The following PHF14 variants were observed in gnomAD, a reference collection of about 807,000 sequenced individuals.
PHF14 encodes PHD finger protein 14.
In PHF14, 55 loss-of-function variants were observed where a neutral mutation model predicts 117.9. The ratio of observed to expected loss-of-function variants is 0.47; its 90% CI spans 0.38 to 0.58. The LOEUF (loss-of-function observed/expected upper bound fraction) is 0.58. Ranked by LOEUF, PHF14 falls within the 20% of genes least tolerant of loss-of-function variation. The pLI is 0.00. For missense variants in PHF14, 978 were observed against 1,122.2 expected, an observed-to-expected ratio of 0.87 and a Z score of 1.84; for synonymous variants, 409 against 368.6, an observed-to-expected ratio of 1.11 and a Z score of -1.26.
chr7:10,975,036 A>C lies in PHF14; in HGVS notation c.112+91A>C. 4.2e-6 allele frequency: 3 copies of C among 716,072 alleles called. No individual in the cohort carries two copies. In the South Asian group the frequency reaches 5.0e-5, roughly 12 times the overall value. The allele number at this position is 716,072 out of a possible 1,614,324, so 44.4% of individuals were successfully genotyped here. A position where few individuals can be genotyped will look rare whatever the true frequency, so the allele number is the denominator to read the frequency against. ...TAAATCGGTTTTGATTAAAATGCCA[A>C]TTTTAAGTGAAAGCACGTAAACTTC... is the stretch of plus-strand genomic sequence containing the variant. On this transcript the variant is annotated intron_variant, in intron 2 of 17. Coordinates refer to ENST00000634607, the MANE Select transcript of PHF14 (RefSeq NM_001007157.2).
intron 16 of PHF14, among the ~76,000 whole-genome samples, chr7:11,077,124 G>A (rs1296851721): frequency 1.3e-5 from 2 of 151,950 alleles, no homozygotes; most frequent in African/African-American, 4.8e-5. Context: ...TTGGTCGTTA[G>A]TAATGTTCAT....
At chr7:11,059,959 C>G (rs1785159502) in intron 14 of PHF14, among the ~76,000 whole-genome samples, 1 of 152,126 alleles carries the variant, frequency 6.6e-6, no homozygotes, top group South Asian at 2.1e-4. Context: ...CAGCCTAGAT[C>G]TCCTGGGCTC....
chr7:11,169,171 C>G (rs1039621959), intron 17 of PHF14, among the ~76,000 whole-genome samples: 1 of 151,966 alleles, frequency 6.6e-6, no homozygotes, highest in African/African-American at 2.4e-5. Context: ...GCAGGTGTTT[C>G]CAAAGTAATT....
At chr7:11,001,937 C>T (rs1187340148) in intron 4 of PHF14, among the ~76,000 whole-genome samples, 1 of 152,142 alleles carries the variant, frequency 6.6e-6, no homozygotes, top group Non-Finnish European at 1.5e-5. Context: ...TCTTTGTGGG[C>T]AAGCTTCTAG....
intron 14 of PHF14, among the ~76,000 whole-genome samples, chr7:11,052,040 A>T (rs1784865212): frequency 6.6e-6 from 1 of 152,086 alleles, no homozygotes; most frequent in Non-Finnish European, 1.5e-5. Flanking sequence ...ACCATTCCCA[A>T]AGCTTTAGAA....
chr7:11,122,024 C>T (rs1018648200), intron 17 of PHF14, among the ~76,000 whole-genome samples: 5 of 151,388 alleles, frequency 3.3e-5, no homozygotes, highest in African/African-American at 9.7e-5. Flanking sequence ...CCCTACCCCC[C>T]GACAGGCCTC....
At chr7:11,120,465 A>G (rs1787717288) in intron 17 of PHF14, among the ~76,000 whole-genome samples, 1 of 152,072 alleles carries the variant, frequency 6.6e-6, no homozygotes, top group Non-Finnish European at 1.5e-5. Context: ...ACACACATCA[A>G]ATGAAAATCT....
intron 14 of PHF14, chr7:11,061,216 T>C (rs1278648183): frequency 1.3e-5 from 2 of 152,228 alleles, no homozygotes; most frequent in Non-Finnish European, 2.9e-5. Flanking sequence ...AAATATAGGA[T>C]GTGAATTTTA....
At chr7:10,982,280 A>C in intron 2 of PHF14, 92 bp from the exon 3 acceptor site, 1 of 790,898 alleles carries the variant, frequency 1.3e-6, no homozygotes, top group South Asian at 2.4e-5. Context: ...GTTATTCACA[A>C]ATTTTGGTGG....
Position 10,974,062 on chromosome 7 carries a change from GCCTGGGC to G in PHF14, c.-260_-254del, listed in dbSNP as rs1781774220. On this transcript the variant is annotated 5_prime_UTR_variant, in exon 1 of 18. Coordinates refer to ENST00000634607, the MANE Select transcript of PHF14 (RefSeq NM_001007157.2). ...CCGGGGCCGCCGGGTTGACTGCGCT[GCCTGGGC>G]CGGAGGTCTTCTCCGGCCAGGGAGC... The G allele has an allele frequency of 2.2e-6, 1 of 455,758 alleles. No individual in the cohort carries two copies. 28.2% of individuals were successfully genotyped at this position (455,758 alleles called of 1,614,324 possible).
intron 16 of PHF14, chr7:11,107,811 TTTTG>T: frequency 1.3e-6 from 1 of 784,094 alleles, no homozygotes; most frequent in Non-Finnish European, 1.5e-6. Flanking sequence ...TCACTATTTA[TTTTG>T]ATAAATTTTG....
At chr7:11,127,820 G>A (rs896584849) in intron 17 of PHF14, among the ~76,000 whole-genome samples, 2 of 151,896 alleles carry the variant, frequency 1.3e-5, no homozygotes, top group African/African-American at 2.4e-5. Context: ...GACCATTTAC[G>A]AGAGATTGAG....
intron 16 of PHF14, among the ~76,000 whole-genome samples, chr7:11,074,660 A>T (rs79572418): frequency 0.017 from 2,603 of 152,274 alleles, 73 homozygotes; most frequent in African/African-American, 0.059. Flanking sequence ...ACTTCCATAG[A>T]TCCCAAGAAC....
rs185731254 is a variant in PHF14, at chr7:11,003,536, T to C, written c.1046-10211T>C. Among the ~76,000 whole-genome samples the C allele has an allele frequency of 1.5e-4, 23 of 152,324 alleles. No individual in the cohort carries two copies. The East Asian group carries it at 4.0e-3, about 27-fold the overall frequency. The stretch of plus-strand genomic sequence containing the variant: ...ACAATATGTTGTTATGGGATACATA[T>C]AGATAGTAAAAAGGTTACTGTAGTG... On this transcript the variant is annotated intron_variant, in intron 4 of 17. Coordinates refer to ENST00000634607, the MANE Select transcript of PHF14 (RefSeq NM_001007157.2).
At chr7:11,061,696 T>C in intron 14 of PHF14, 95 bp from the exon 15 acceptor site, 1 of 954,190 alleles carries the variant, frequency 1.0e-6, no homozygotes, top group Non-Finnish European at 1.4e-6. Flanking sequence ...ACCTAAGCAA[T>C]AACATTTAAC....
chr7:11,023,912 G>C (rs1258416213), intron 6 of PHF14, among the ~76,000 whole-genome samples: 1 of 152,202 alleles, frequency 6.6e-6, no homozygotes, highest in Non-Finnish European at 1.5e-5. Context: ...TCATACATCT[G>C]TCACTTTAAA....
At chr7:11,135,376 G>T (rs1268590614) in intron 17 of PHF14, among the ~76,000 whole-genome samples, 1 of 151,992 alleles carries the variant, frequency 6.6e-6, no homozygotes, top group Admixed American at 6.6e-5. Flanking sequence ...AAAAGAAATG[G>T]TTTTCATTAA....
intron 17 of PHF14, among the ~76,000 whole-genome samples, chr7:11,167,224 C>G (rs73286539): frequency 1.1e-3 from 173 of 152,214 alleles, no homozygotes; most frequent in African/African-American, 4.1e-3. Flanking sequence ...GGTGGAGAAA[C>G]TTAGTAGACT....
chr7:11,042,549 AATTGTCT>A (rs1366910504), intron 12 of PHF14, 127 bp from the exon 13 acceptor site: 38 of 569,880 alleles, frequency 6.7e-5, no homozygotes, highest in Non-Finnish European at 9.6e-5. Context: ...TAATGAAAGA[AATTGTCT>A]ATCTCAACAG....
Sources: gnomAD v4.1 joint callset for allele counts (sites outside exome capture counted in the v4.1 genomes callset) on GRCh38, gnomAD v4.1.1 for gene constraint, MANE v1.5 for transcripts, NCBI Gene and HGNC (gene_info 2026-07-23, HGNC 2026-07-21) for gene names.